Variants in GLIS3 observed in about 807,000 individuals in gnomAD.
GLIS3 encodes zinc finger protein GLIS3.
Under a neutral mutation model 78.6 loss-of-function variants are expected in GLIS3, and 53 were observed. The observed-to-expected ratio is 0.67, with a 90% CI of 0.54 to 0.85. GLIS3 has a LOEUF of 0.85. GLIS3 is among the 40% of genes least tolerant of loss of function. The pLI, the probability that GLIS3 is intolerant of heterozygous loss-of-function variation, is 0.00. For synonymous variants in GLIS3, 684 were observed against 509.9 expected, an observed-to-expected ratio of 1.34 and a Z score of -4.60; for missense variants, 1,703 against 1,231.1, an observed-to-expected ratio of 1.38 and a Z score of -5.74.
chr9:4,440,201 C>A, the GLIS3 span, among the ~76,000 whole-genome samples: 1 of 152,028 alleles, frequency 6.6e-6, no homozygotes, highest in Non-Finnish European at 1.5e-5. Flanking sequence ...TTGTTGTAAT[C>A]CCATTTTTCC....
intron 4 of GLIS3, among the ~76,000 whole-genome samples, chr9:3,956,200 C>T (rs1817103284): frequency 1.3e-5 from 2 of 151,926 alleles, no homozygotes; most frequent in Admixed American, 6.6e-5. Context: ...AAAAAATCAC[C>T]TCCAACAGCT....
chr9:3,918,780 T>G (rs1824682997), intron 6 of GLIS3, among the ~76,000 whole-genome samples: 1 of 151,808 alleles, frequency 6.6e-6, no homozygotes, highest in Admixed American at 6.6e-5. Context: ...AACTGTGGGG[T>G]TCTTGTCTAT....
intron 2 of GLIS3, among the ~76,000 whole-genome samples, chr9:4,275,603 TAA>T (rs535182029): frequency 7.2e-6 from 1 of 139,414 alleles, no homozygotes. Context: ...CTACAAAAAT[TAA>T]AAAAAAAAAA....
chr9:3,922,116 C>T (rs149978198), intron 6 of GLIS3, among the ~76,000 whole-genome samples: 10 of 152,162 alleles, frequency 6.6e-5, no homozygotes, highest in East Asian at 3.9e-4. Flanking sequence ...CTAGCATATG[C>T]GCTATAGAAT....
intron 6 of GLIS3, among the ~76,000 whole-genome samples, chr9:3,910,770 C>G (rs187353937): frequency 6.6e-6 from 1 of 152,320 alleles, no homozygotes; most frequent in Non-Finnish European, 1.5e-5. Context: ...AAGGATAATA[C>G]CATTTAGTGA....
intron 4 of GLIS3, among the ~76,000 whole-genome samples, chr9:3,951,739 T>G (rs750869492): frequency 2.0e-5 from 3 of 151,992 alleles, no homozygotes; most frequent in Non-Finnish European, 4.4e-5. Flanking sequence ...TTGGTATAAT[T>G]AGCAGTTTAG....
the GLIS3 span, among the ~76,000 whole-genome samples, chr9:4,484,579 G>A: frequency 1.4e-4 from 21 of 151,582 alleles, no homozygotes; most frequent in African/African-American, 5.1e-4. Flanking sequence ...CACCACACCT[G>A]GCTAATTTTT....
the GLIS3 span, among the ~76,000 whole-genome samples, chr9:4,396,492 A>T: frequency 2.6e-5 from 4 of 152,196 alleles, no homozygotes; most frequent in Non-Finnish European, 5.9e-5. Context: ...TCACTATTTT[A>T]AAATAATGAC....
chr9:4,262,289 C>A (rs147493991), intron 2 of GLIS3, among the ~76,000 whole-genome samples: 1 of 152,258 alleles, frequency 6.6e-6, no homozygotes, highest in Non-Finnish European at 1.5e-5. Flanking sequence ...AGAGAAACTG[C>A]ACTGCTCACT....
At chr9:4,219,901 C>G (rs534845833) in intron 2 of GLIS3, among the ~76,000 whole-genome samples, 4 of 152,236 alleles carry the variant, frequency 2.6e-5, no homozygotes, top group South Asian at 4.1e-4. Flanking sequence ...ACACCCAGCA[C>G]TCAGATCTTG....
At chr9:4,385,769 GAA>G in the GLIS3 span, among the ~76,000 whole-genome samples, 20 of 58,448 alleles carry the variant, frequency 3.4e-4, 2 homozygotes, top group African/African-American at 1.7e-3. Context: ...AAGAAAGAAA[GAA>G]AGAAAGAAAG....
intron 2 of GLIS3, among the ~76,000 whole-genome samples, chr9:4,209,166 ATC>A (rs997025880): frequency 6.6e-6 from 1 of 152,082 alleles, no homozygotes; most frequent in Non-Finnish European, 1.5e-5. Flanking sequence ...AGACCCCCTG[ATC>A]TAACCCAACC....
chr9:4,417,945 T>C, the GLIS3 span, among the ~76,000 whole-genome samples: 1 of 152,222 alleles, frequency 6.6e-6, no homozygotes, highest in South Asian at 2.1e-4. Context: ...CAATTGATAT[T>C]TTCAATGTGA....
At chr9:4,102,472 C>G (rs1300232995) in intron 4 of GLIS3, among the ~76,000 whole-genome samples, 2 of 152,154 alleles carry the variant, frequency 1.3e-5, no homozygotes, top group Non-Finnish European at 2.9e-5. Context: ...GGCAGTTTTT[C>G]TCCACAGGAG....
chr9:4,377,100 G>C, the GLIS3 span, among the ~76,000 whole-genome samples: 3 of 135,110 alleles, frequency 2.2e-5, 1 homozygote. Flanking sequence ...GTGTCAAATT[G>C]ATTGAAGGAT....
In GLIS3 at chr9:4,021,825, G is replaced by T. The variant is rs112002257; in HGVS notation, c.1711-84636C>A. On this transcript the variant is annotated intron_variant, in intron 4 of 10. Coordinates refer to ENST00000381971, the MANE Select transcript of GLIS3 (RefSeq NM_001042413.2). The stretch of plus-strand genomic sequence containing the variant: ...TGTGACCAGCTGGGCTTCACCAGGG[G>T]AATTCACAAAGCAATAGTTTTTTCA... Among the ~76,000 whole-genome samples, 292 of 152,238 alleles carry T rather than the reference G, an allele frequency of 1.9e-3. 2 individuals carry two copies. The highest frequency in any genetic ancestry group is 6.7e-3 in the African/African-American group (277 of 41,532).
intron 8 of GLIS3, among the ~76,000 whole-genome samples, chr9:3,876,634 C>CAG (rs149679158): frequency 0.033 from 519 of 15,712 alleles, 49 homozygotes; most frequent in African/African-American, 0.13. Flanking sequence ...TCACCAAAGT[C>CAG]AGAGAGAGAG....
intron 1 of GLIS3, among the ~76,000 whole-genome samples, chr9:4,288,602 A>G (rs1481835168): frequency 6.6e-6 from 1 of 152,230 alleles, no homozygotes; most frequent in Admixed American, 6.5e-5. Context: ...TGAGTTTGCA[A>G]GAAGGAAAAA....
At chr9:4,394,397 G>C in the GLIS3 span, among the ~76,000 whole-genome samples, 11 of 151,824 alleles carry the variant, frequency 7.2e-5, no homozygotes, top group Non-Finnish European at 7.4e-5. Context: ...ATATGGGGTG[G>C]TTGTGAGTCT....
Sources: gnomAD v4.1 joint callset for allele counts (sites outside exome capture counted in the v4.1 genomes callset) on GRCh38, gnomAD v4.1.1 for gene constraint, MANE v1.5 for transcripts, NCBI Gene and HGNC (gene_info 2026-07-23, HGNC 2026-07-21) for gene names.